Variants in RBFOX1 observed in about 807,000 individuals in gnomAD.
RBFOX1 encodes the protein RNA binding fox-1 homolog 1, also known as RNA binding protein fox-1 homolog 1.
Under a neutral mutation model 57.7 loss-of-function variants are expected in RBFOX1, and 8 were observed. The ratio of observed to expected loss-of-function variants is 0.14; its 90% CI spans 0.08 to 0.25. RBFOX1 has a LOEUF of 0.25. Among genes scored for constraint, RBFOX1 ranks in the 10% least tolerant of loss-of-function variants. The probability of loss-of-function intolerance (pLI) is 1.00; values close to 1 mark genes in which losing one functional copy is unlikely to be tolerated. For missense variants in RBFOX1, 611 were observed against 548.5 expected (o/e 1.11, Z -1.14); for synonymous variants, 326 against 222.4 (o/e 1.47, Z -4.15).
At chr16:7,298,453 G>A (rs1031677039) in intron 4 of RBFOX1, among the ~76,000 whole-genome samples, 5 of 151,816 alleles carry the variant, frequency 3.3e-5, no homozygotes, top group African/African-American at 1.2e-4. Flanking sequence ...TATGCCTGAG[G>A]GCTAATTTTT....
intron 1 of RBFOX1, among the ~76,000 whole-genome samples, chr16:6,173,678 C>G (rs1025210024): frequency 7.9e-6 from 1 of 126,476 alleles, no homozygotes; most frequent in African/African-American, 3.1e-5. Flanking sequence ...GGCACAATGT[C>G]AGCTCACTGC....
At chr16:5,350,179 G>C (rs796113268) in intron 1 of RBFOX1, among the ~76,000 whole-genome samples, 1 of 152,154 alleles carries the variant, frequency 6.6e-6, no homozygotes, top group African/African-American at 2.4e-5. Flanking sequence ...GGATTAACTG[G>C]GAAACAGCAG....
In RBFOX1 at chr16:6,549,132, G is replaced by A. The variant is rs1183874207; in HGVS notation, c.-63-105471G>A. 6.9e-5 allele frequency among the ~76,000 whole-genome samples: 4 copies of A among 57,800 alleles called. No individual in the cohort carries two copies. The East Asian group carries it at 1.1e-3, about 16-fold the overall frequency. The allele number at this position is 57,800 out of a possible 152,430, so 37.9% of individuals were successfully genotyped here. A position where few individuals can be genotyped will look rare whatever the true frequency, so the allele number is the denominator to read the frequency against. On this transcript the variant is annotated intron_variant, in intron 2 of 15. Transcript: ENST00000550418. ...GGAAAGAGAAGGAAGAGGGGAGGAA[G>A]GAGGAGGAGGAGGGAAGGAGGAGGG...
At chr16:7,323,240 C>T (rs1224762587) in intron 4 of RBFOX1, among the ~76,000 whole-genome samples, 1 of 152,118 alleles carries the variant, frequency 6.6e-6, no homozygotes, top group Non-Finnish European at 1.5e-5. Flanking sequence ...CCTGGCAACA[C>T]AGCGAGACCC....
chr16:7,132,983 C>G (rs528275769), intron 4 of RBFOX1, among the ~76,000 whole-genome samples: 1 of 152,040 alleles, frequency 6.6e-6, no homozygotes, highest in Non-Finnish European at 1.5e-5. Context: ...GAAAACAAAC[C>G]GTTATACCAG....
At chr16:6,909,623 C>G (rs1227740781) in intron 3 of RBFOX1, among the ~76,000 whole-genome samples, 4 of 152,240 alleles carry the variant, frequency 2.6e-5, no homozygotes, top group Non-Finnish European at 4.4e-5. Context: ...CCTGTTCTCT[C>G]TTTTACAAAA....
chr16:6,565,734 C>T (rs1160672217), intron 2 of RBFOX1, among the ~76,000 whole-genome samples: 2 of 152,196 alleles, frequency 1.3e-5, no homozygotes, highest in Admixed American at 6.5e-5. Flanking sequence ...TTCCAAAGTG[C>T]TGGGATTACA....
At chr16:6,658,745 G>A (rs1263232460) in intron 3 of RBFOX1, among the ~76,000 whole-genome samples, 1 of 151,996 alleles carries the variant, frequency 6.6e-6, no homozygotes, top group Non-Finnish European at 1.5e-5. Context: ...GTGGCTTTAT[G>A]TTTTTCTTTC....
chr16:5,475,546 A>G (rs1478184036), intron 2 of RBFOX1, among the ~76,000 whole-genome samples: 4 of 152,260 alleles, frequency 2.6e-5, no homozygotes, highest in Admixed American at 1.3e-4. Context: ...CTAAATGTCA[A>G]TAATTTATAA....
chr16:6,285,640 C>T (rs985428281), intron 1 of RBFOX1, among the ~76,000 whole-genome samples: 2 of 152,198 alleles, frequency 1.3e-5, no homozygotes, highest in East Asian at 3.9e-4. Flanking sequence ...TGTAAATGAC[C>T]ATCACGTTGG....
intron 3 of RBFOX1, among the ~76,000 whole-genome samples, chr16:6,819,860 A>G (rs763520773): frequency 2.0e-5 from 3 of 152,142 alleles, no homozygotes; most frequent in Non-Finnish European, 2.9e-5. Flanking sequence ...ATTCCAGTGT[A>G]ACCTACAATG....
chr16:6,206,800 G>T (rs1372505037), intron 1 of RBFOX1, among the ~76,000 whole-genome samples: 5 of 151,974 alleles, frequency 3.3e-5, no homozygotes, highest in African/African-American at 1.2e-4. Context: ...TTTAATGGTG[G>T]GTGATTTCAA....
At chr16:7,392,102 C>T (rs2098038725) in intron 4 of RBFOX1, among the ~76,000 whole-genome samples, 2 of 152,214 alleles carry the variant, frequency 1.3e-5, no homozygotes. Context: ...GAAAGTTGCA[C>T]ACCCACTTCT....
intron 3 of RBFOX1, among the ~76,000 whole-genome samples, chr16:6,782,202 T>G (rs1337544176): frequency 6.6e-6 from 1 of 152,158 alleles, no homozygotes; most frequent in Non-Finnish European, 1.5e-5. Context: ...ATACAGGGTT[T>G]CGCCATGTTG....
intron 2 of RBFOX1, among the ~76,000 whole-genome samples, chr16:5,510,781 C>A (rs894640750): frequency 6.6e-6 from 1 of 152,074 alleles, no homozygotes; most frequent in African/African-American, 2.4e-5. Flanking sequence ...TTCAGTGTGG[C>A]GGGGCTGTTC....
intron 3 of RBFOX1, among the ~76,000 whole-genome samples, chr16:7,018,083 A>G (rs1227427152): frequency 6.6e-6 from 1 of 151,508 alleles, no homozygotes; most frequent in African/African-American, 2.4e-5. Flanking sequence ...CTGCATGTAC[A>G]CCCAGCTGTT....
intron 2 of RBFOX1, among the ~76,000 whole-genome samples, chr16:6,409,999 C>A (rs1010127953): frequency 7.2e-5 from 11 of 152,110 alleles, no homozygotes; most frequent in Non-Finnish European, 1.5e-4. Context: ...ACCTGTCTTG[C>A]CTGTTCAATT....
At chr16:6,300,950 T>C (rs2078749849) in intron 1 of RBFOX1, among the ~76,000 whole-genome samples, 1 of 152,228 alleles carries the variant, frequency 6.6e-6, no homozygotes, top group Non-Finnish European at 1.5e-5. Context: ...CATGCTTTGA[T>C]GGTTTTCACA....
At chr16:7,332,672 GTC>G (rs911831440) in intron 4 of RBFOX1, 5,494 of 606,662 alleles carry the variant, frequency 9.1e-3, no homozygotes, top group South Asian at 0.011. Context: ...CTCTCTCTCT[GTC>G]TCTCTCTCTC....
Sources: allele counts gnomAD v4.1 joint callset (sites outside exome capture counted in the v4.1 genomes callset), GRCh38; gene constraint gnomAD v4.1.1; transcripts MANE v1.5; gene names NCBI Gene and HGNC (gene_info 2026-07-23, HGNC 2026-07-21).